Variants in RDH13 observed in about 807,000 individuals in gnomAD.
RDH13 encodes the protein retinol dehydrogenase 13.
RDH13 carries 35 observed loss-of-function variants against 28.3 expected under a neutral mutation model. The observed-to-expected ratio is 1.24, with a 90% CI of 0.95 to 1.64. RDH13 has a LOEUF of 1.64. Ranked by LOEUF, RDH13 falls within the 40% of genes most tolerant of loss-of-function variation. The pLI is 0.00. For missense variants in RDH13, 514 were observed against 446.3 expected (o/e 1.15, Z -1.37); for synonymous variants, 229 against 198.5 (o/e 1.15, Z -1.29).
intron 3 of RDH13, among the ~76,000 whole-genome samples, chr19:55,050,115 T>A (rs868414246): frequency 0.068 from 6,924 of 101,718 alleles, 552 homozygotes; most frequent in African/African-American, 0.21. Flanking sequence ...CCAGCCTATT[T>A]TTTTTTTTTT....
At chr19:55,043,510 C>G (rs1453733121), downstream of RDH13, among the ~76,000 whole-genome samples, 1 of 151,342 alleles carries the variant, frequency 6.6e-6, no homozygotes, top group East Asian at 2.0e-4. Flanking sequence ...ATGGTGATAC[C>G]GTCTTTAATT....
chr19:55,055,811 C>T (rs2075612473), intron 3 of RDH13, among the ~76,000 whole-genome samples: 1 of 152,030 alleles, frequency 6.6e-6, no homozygotes, highest in Admixed American at 6.5e-5. Context: ...CATGACTGCA[C>T]CACTGCACTC....
rs774070838 is a variant in RDH13, at chr19:55,056,713, G to C, written c.280C>G (p.Arg94Gly). 9 of 1,613,794 alleles carry C rather than the reference G, an allele frequency of 5.6e-6. No individual in the cohort carries two copies. In the East Asian group the frequency reaches 1.8e-4, roughly 32 times the overall value. ...GETLNHHVNA[R>G]HLDLASLKSI... ...TTGAGGGAAGCCAAGTCCAGGTGCCGGGCGTTGACATGGTGATTGAGGGTC... is the reference window on the plus strand; with the variant it reads ...TTGAGGGAAGCCAAGTCCAGGTGCCCGGCGTTGACATGGTGATTGAGGGTC... Residue 94 changes from arginine to glycine, a missense_variant, in exon 3 of 7, where the codon CGG becomes GGG. By Grantham distance (125) the Arg-to-Gly change is moderately radical. Transcript: ENST00000415061.
intron 3 of RDH13, among the ~76,000 whole-genome samples, chr19:55,055,290 T>C (rs2075594809): frequency 6.6e-6 from 1 of 151,894 alleles, no homozygotes; most frequent in Non-Finnish European, 1.5e-5. Flanking sequence ...GTAGCTGAGA[T>C]TACAGGTGTG....
At chr19:55,052,611 ACCT>A in intron 3 of RDH13, among the ~76,000 whole-genome samples, 1 of 148,770 alleles carries the variant, frequency 6.7e-6, no homozygotes, top group South Asian at 2.1e-4. Context: ...TCCCACCTCC[ACCT>A]CCCAAGTAGT....
At chr19:55,058,730 G>A (rs1386442808) in intron 2 of RDH13, among the ~76,000 whole-genome samples, 1 of 152,020 alleles carries the variant, frequency 6.6e-6, no homozygotes, top group African/African-American at 2.4e-5. Context: ...ACCCAGGCTG[G>A]AGTGCCGTGG....
At chr19:55,049,885 C>T (rs1051970997) in intron 3 of RDH13, among the ~76,000 whole-genome samples, 4 of 151,762 alleles carry the variant, frequency 2.6e-5, no homozygotes, top group East Asian at 1.9e-4. Flanking sequence ...AGGGAGGATC[C>T]GCTCTGGTCT....
In RDH13 at chr19:55,056,570, T is replaced by C. The variant is rs114476684; in HGVS notation, c.340+83A>G. The C allele has an allele frequency of 9.0e-4, 1,354 of 1,512,846 alleles. 15 individuals carry two copies. In the African/African-American group the frequency reaches 0.015, roughly 17 times the overall value. The allele number at this position is 1,512,846 out of a possible 1,614,324, so 93.7% of individuals were successfully genotyped here. ...TTTGCCAAAACTCTGCTCTAAAGTT[T>C]GCTTGCTTCATTCACTTCTCAGAGC... On this transcript the variant is annotated intron_variant, in intron 3 of 6. Coordinates refer to ENST00000415061, the MANE Select transcript of RDH13 (RefSeq NM_001145971.2).
At chr19:55,047,750 C>T (rs1036614470) in intron 5 of RDH13, among the ~76,000 whole-genome samples, 1 of 152,156 alleles carries the variant, frequency 6.6e-6, no homozygotes, top group Non-Finnish European at 1.5e-5. Context: ...TGCATCGGTG[C>T]GTGGCGGTGG....
upstream of RDH13, among the ~76,000 whole-genome samples, chr19:55,067,012 T>C (rs1654464): frequency 0.72 from 110,131 of 152,062 alleles, 40,081 homozygotes; most frequent in African/African-American, 0.75. Context: ...AAAATAGATA[T>C]GATCCTTGTC....
chr19:55,059,191 G>A lies in RDH13; in HGVS notation c.150C>T (p.Ile50=), dbSNP rs746377480. The A allele has an allele frequency of 4.4e-6, 7 of 1,602,374 alleles. No homozygotes were observed. Among genetic ancestry groups the A allele is most frequent in the East Asian group, 2.3e-5 (1 of 44,398 alleles). Residue 50 remains isoleucine (I), a synonymous_variant, in exon 2 of 7, where the codon ATC becomes ATT. Coordinates refer to ENST00000415061, the MANE Select transcript of RDH13 (RefSeq NM_001145971.2). The part of the protein sequence containing the change: ...TVIVTGANTG[I]GKQTALELAR... ...CCAGTTCCAAGGCGGTCTGCTTCCC[G>A]ATGCCTGTGTTGGCACCCGTCACGA...
At chr19:55,048,266 A>G (rs1462589950) in intron 5 of RDH13, 63 bp downstream of exon 5, 2 of 1,603,484 alleles carry the variant, frequency 1.2e-6, no homozygotes, top group South Asian at 1.1e-5. Flanking sequence ...GCCTAGGATC[A>G]TGGAAAGGCC....
intron 5 of RDH13, chr19:55,047,916 TAGGAC>T (rs1322159158): frequency 1.7e-6 from 1 of 579,946 alleles, no homozygotes; most frequent in East Asian, 4.2e-5. Context: ...CCGTGCGCTG[TAGGAC>T]ATTGAGAGCA....
intron 3 of RDH13, among the ~76,000 whole-genome samples, chr19:55,049,655 G>A (rs1220078352): frequency 6.6e-6 from 1 of 152,066 alleles, no homozygotes; most frequent in African/African-American, 2.4e-5. Context: ...CAGGCGTGGT[G>A]GCATGCACCT....
chr19:55,045,146 C>T lies in RDH13; in HGVS notation c.924G>A (p.Arg308=), dbSNP rs377453163. The T allele has an allele frequency of 1.2e-4, 199 of 1,613,726 alleles. 2 individuals are homozygous for T. In the South Asian group the frequency reaches 2.1e-3, roughly 17 times the overall value. The change falls in exon 7 of 7, where the codon AGG becomes AGA. Residue 308 remains arginine (R), a synonymous_variant. Coordinates refer to ENST00000415061, the MANE Select transcript of RDH13 (RefSeq NM_001145971.2). ...CCAGGCGGGCACTTTCAGCCCAAAG[C>T]CTCCGGGCCACCTCCTCATCCTCAG... ...PEAEDEEVAR[R]LWAESARLVG...
intron 1 of RDH13, among the ~76,000 whole-genome samples, chr19:55,061,516 C>G (rs2075805513): frequency 6.6e-6 from 1 of 152,016 alleles, no homozygotes; most frequent in Non-Finnish European, 1.5e-5. Context: ...GCAGGACCGG[C>G]ACAGTGCCTC....
chr19:55,048,599 T>C (rs993300581), intron 4 of RDH13, 58 bp from the exon 5 acceptor site: 73 of 1,611,124 alleles, frequency 4.5e-5, no homozygotes, highest in Admixed American at 4.3e-4. Flanking sequence ...CCCAGCACTT[T>C]GGGAGGACGA....
At chr19:55,060,114 A>G (rs1458763487) in intron 1 of RDH13, among the ~76,000 whole-genome samples, 1 of 150,724 alleles carries the variant, frequency 6.6e-6, no homozygotes, top group Non-Finnish European at 1.5e-5. Flanking sequence ...CCCCAGCCCA[A>G]CACCCGTAAA....
chr19:55,063,007 G>T lies in RDH13; in HGVS notation c.26C>A (p.Ser9Ter). The T allele has an allele frequency of 6.8e-6, 10 of 1,467,508 alleles. No individual in the cohort carries two copies. The highest frequency in any genetic ancestry group is 9.0e-6 in the Non-Finnish European group (10 of 1,111,338). The allele number at this position is 1,467,508 out of a possible 1,614,324, so 90.9% of individuals were successfully genotyped here. ...GGCGCCTGCTACCGTGCCCAGCGCCGACAGCGGCAGCAGGTAGCGGCTCAT... is the reference window on the plus strand; with the variant it reads ...GGCGCCTGCTACCGTGCCCAGCGCCTACAGCGGCAGCAGGTAGCGGCTCAT... MSRYLLPL[S>*]ALGTVAGAAV... Residue 9 changes from serine to a stop codon, truncating the protein, a stop_gained, in exon 1 of 7, where the codon TCG becomes TAG. Transcript: ENST00000415061. LOFTEE classifies it high-confidence loss of function.
Sources: allele counts gnomAD v4.1 joint callset (sites outside exome capture counted in the v4.1 genomes callset), GRCh38; gene constraint gnomAD v4.1.1; transcripts MANE v1.5; gene names NCBI Gene and HGNC (gene_info 2026-07-23, HGNC 2026-07-21).